APOLD1: variants seen among roughly 807,000 people sequenced by gnomAD.
APOLD1 encodes the protein apolipoprotein L domain-containing protein 1.
Under a neutral mutation model 15.3 loss-of-function variants are expected in APOLD1, and 22 were observed. That is an observed-to-expected ratio of 1.44 (90% CI 1.03 to 2.05). APOLD1 has a LOEUF of 2.05. Among genes scored for constraint, APOLD1 ranks in the 30% most tolerant of loss-of-function variants. The pLI is 0.00. For missense variants in APOLD1, 394 were observed against 353.5 expected (o/e 1.11, Z -0.92); for synonymous variants, 190 against 167.4 (o/e 1.13, Z -1.04).
At chr12:12,728,146 T>C in intron 1 of APOLD1, among the ~76,000 whole-genome samples, 1 of 151,670 alleles carries the variant, frequency 6.6e-6, no homozygotes, top group Non-Finnish European at 1.5e-5. Flanking sequence ...TTTTTTACTT[T>C]TGTAGAGATG....
intron 1 of APOLD1, among the ~76,000 whole-genome samples, chr12:12,747,744 G>A (rs1450604091): frequency 1.3e-5 from 2 of 152,104 alleles, no homozygotes; most frequent in Non-Finnish European, 2.9e-5. Context: ...TGCAACATTT[G>A]GTTCATTGGC....
chr12:12,745,474 G>A (rs1206094519), intron 1 of APOLD1, among the ~76,000 whole-genome samples: 1 of 152,046 alleles, frequency 6.6e-6, no homozygotes, highest in Non-Finnish European at 1.5e-5. Context: ...AAGTTGCGGT[G>A]GGCCAATATC....
upstream of APOLD1, among the ~76,000 whole-genome samples, chr12:12,782,912 T>G (rs955029318): frequency 6.6e-6 from 1 of 152,098 alleles, no homozygotes; most frequent in African/African-American, 2.4e-5. Context: ...TATATGAAAT[T>G]AAACAAATGC....
At chr12:12,762,816 A>G (rs1295864579) in intron 1 of APOLD1, among the ~76,000 whole-genome samples, 2 of 152,112 alleles carry the variant, frequency 1.3e-5, no homozygotes, top group African/African-American at 4.8e-5. Flanking sequence ...AAGATAGAGA[A>G]TGACTAGCAT....
intron 1 of APOLD1, among the ~76,000 whole-genome samples, chr12:12,777,015 C>A (rs1419803165): frequency 6.6e-6 from 1 of 152,200 alleles, no homozygotes; most frequent in Non-Finnish European, 1.5e-5. Flanking sequence ...ATATAATAAA[C>A]TCCAGGTGGG....
rs1343510731 is a variant in APOLD1, at chr12:12,744,322, A to AG, written c.96+18226_96+18227insG. ...AGACCCTGCTTAAAAAAAAAAAAAAAAAATGGCTGGCTGTGGTGGCTCAGG... is the reference window on the plus strand; with the variant it reads ...AGACCCTGCTTAAAAAAAAAAAAAAAGAAATGGCTGGCTGTGGTGGCTCAGG... On this transcript the variant is annotated intron_variant, in intron 1 of 1. Transcript: ENST00000326765. Among the ~76,000 whole-genome samples, 39 of 151,312 alleles carry AG rather than the reference A, an allele frequency of 2.6e-4. 1 individual carries two copies. The highest frequency in any genetic ancestry group is 5.2e-4 in the Non-Finnish European group (35 of 67,882).
intron 1 of APOLD1, among the ~76,000 whole-genome samples, chr12:12,733,537 A>G (rs2136369005): frequency 6.6e-6 from 1 of 152,318 alleles, no homozygotes; most frequent in Middle Eastern, 3.4e-3. Flanking sequence ...TCCCTTAAAC[A>G]TTTATGTACT....
In APOLD1 at chr12:12,726,012, G is replaced by A. The variant is rs1314779928; in HGVS notation, c.12G>A (p.Ala4=). 9 of 1,519,992 alleles carry A rather than the reference G, an allele frequency of 5.9e-6. No homozygotes were observed. The African/African-American group carries it at 7.0e-5, about 12-fold the overall frequency. 94.2% of individuals were successfully genotyped at this position (1,519,992 alleles called of 1,614,324 possible). A position where few individuals can be genotyped will look rare whatever the true frequency, so the allele number is the denominator to read the frequency against. ...CAACTCGTTCACGGATGTTCCGCGC[G>A]CCGTGTCACCGGCTGCGGGCCAGGG... is the stretch of plus-strand genomic sequence containing the variant. Residue 4 remains alanine, a synonymous_variant, in exon 1 of 2, where the codon GCG becomes GCA. Transcript: ENST00000326765.
intron 1 of APOLD1, among the ~76,000 whole-genome samples, chr12:12,777,701 C>A (rs1014694613): frequency 7.0e-6 from 1 of 143,364 alleles, no homozygotes; most frequent in Non-Finnish European, 1.5e-5. Flanking sequence ...ACCAGTGTGA[C>A]GCTCAAAGGA....
intron 1 of APOLD1, among the ~76,000 whole-genome samples, chr12:12,750,571 G>T (rs914741021): frequency 7.7e-6 from 1 of 129,550 alleles, no homozygotes; most frequent in East Asian, 2.2e-4. Flanking sequence ...AAAGGGAGGA[G>T]ATTTATGTTA....
intron 1 of APOLD1, among the ~76,000 whole-genome samples, chr12:12,737,235 A>G (rs1946694898): frequency 6.7e-6 from 1 of 148,598 alleles, no homozygotes; most frequent in African/African-American, 2.5e-5. Flanking sequence ...TTTTTTTTTA[A>G]ATTGAAGATT....
In APOLD1 at chr12:12,738,202, C is replaced by CTTTTTTT. The variant is rs71436733; in HGVS notation, c.96+12120_96+12126dup. On this transcript the variant is annotated intron_variant, in intron 1 of 1. Transcript: ENST00000326765. ...CCATACTCACCAGAGCAAGCAAGTCCTTTTTTTTTTTTTTTTTTTTAAGAC... is the reference window on the plus strand; with the variant it reads ...CCATACTCACCAGAGCAAGCAAGTCCTTTTTTTTTTTTTTTTTTTTTTTTTTTAAGAC... Among the ~76,000 whole-genome samples the CTTTTTTT allele has an allele frequency of 1.7e-5, 2 of 117,556 alleles. 1 individual carries two copies. Among genetic ancestry groups the CTTTTTTT allele is most frequent in the Non-Finnish European group, 3.4e-5 (2 of 59,654 alleles). The allele number at this position is 117,556 out of a possible 152,430, so 77.1% of individuals were successfully genotyped here.
At chr12:12,746,855 C>T (rs1946770731) in intron 1 of APOLD1, among the ~76,000 whole-genome samples, 1 of 152,034 alleles carries the variant, frequency 6.6e-6, no homozygotes, top group Non-Finnish European at 1.5e-5. Flanking sequence ...TGTGTGTACC[C>T]AATGTTTAGC....
chr12:12,761,805 G>A (rs867670394), intron 1 of APOLD1, among the ~76,000 whole-genome samples: 1,047 of 80,948 alleles, frequency 0.013, 42 homozygotes, highest in African/African-American at 0.051. Context: ...ATATATACAT[G>A]AACATATACA....
upstream of APOLD1, among the ~76,000 whole-genome samples, chr12:12,782,938 G>A (rs1397851572): frequency 6.6e-6 from 1 of 152,192 alleles, no homozygotes; most frequent in Non-Finnish European, 1.5e-5. Flanking sequence ...GGGCATGGTG[G>A]CTCATGCCTG....
At chr12:12,765,931 C>G (rs142063511) in intron 1 of APOLD1, among the ~76,000 whole-genome samples, 2 of 152,172 alleles carry the variant, frequency 1.3e-5, no homozygotes, top group East Asian at 3.9e-4. Flanking sequence ...CTTCTGTGCT[C>G]TAGTGTTGGT....
rs778582190 is a variant in APOLD1, at chr12:12,787,469, C to A, written c.564C>A (p.Thr188=). ...FLIPRRAEGD[T]KVSQAVLKAK... ...TCCCCAGGCGGGCGGAGGGGGACAC[C>A]AAGGTTAGCCAGGCCGTGCTGAAGG... The change falls in exon 2 of 2, where the codon ACC becomes ACA. Residue 188 remains threonine (T), a synonymous_variant. Coordinates refer to ENST00000356591, the MANE Select transcript of APOLD1 (RefSeq NM_030817.3). The surrounding 1 kb of genome is among the most constrained non-coding windows in gnomAD (Gnocchi z 4.9). The A allele has an allele frequency of 7.7e-5, 124 of 1,614,006 alleles. No homozygotes were observed. Among genetic ancestry groups the A allele is most frequent in the Non-Finnish European group, 1.1e-4 (124 of 1,180,040 alleles).
chr12:12,731,401 G>A (rs890145980), intron 1 of APOLD1, among the ~76,000 whole-genome samples: 2 of 152,180 alleles, frequency 1.3e-5, no homozygotes, highest in Admixed American at 1.3e-4. Flanking sequence ...TAAGGCACTT[G>A]TTGAATTTAG....
In APOLD1 at chr12:12,787,388, C is replaced by T. The variant is rs1457097523; in HGVS notation, c.483C>T (p.Ile161=). ...TGCAGTGCGGGAGGAACGCCTCCAT[C>T]GCCCTGTACAATTCTGTCTACTTCA... is the stretch of plus-strand genomic sequence containing the variant. ...QLLQCGRNAS[I]ALYNSVYFIV... The change falls in exon 2 of 2, where the codon ATC becomes ATT. Residue 161 remains isoleucine (I), a synonymous_variant. Coordinates refer to ENST00000356591, the MANE Select transcript of APOLD1 (RefSeq NM_030817.3). The surrounding 1 kb of genome is among the most constrained non-coding windows in gnomAD (Gnocchi z 4.9). 2 of 1,614,174 alleles carry T rather than the reference C, an allele frequency of 1.2e-6. No homozygotes were observed. The highest frequency in any genetic ancestry group is 1.1e-5 in the South Asian group (1 of 91,086).
Sources: allele counts gnomAD v4.1 joint callset (sites outside exome capture counted in the v4.1 genomes callset), GRCh38; gene constraint gnomAD v4.1.1; non-coding constraint Gnocchi (gnomAD v3.1); transcripts MANE v1.5; gene names NCBI Gene and HGNC (gene_info 2026-07-23, HGNC 2026-07-21).